The following C5orf15 variants were observed in gnomAD, a reference collection of about 807,000 sequenced individuals.
C5orf15 encodes the protein keratinocyte-associated transmembrane protein 2.
In C5orf15, 10 loss-of-function variants were observed where a neutral mutation model predicts 17.8. The ratio of observed to expected loss-of-function variants is 0.56; its 90% CI spans 0.35 to 0.95. The LOEUF is 0.95. C5orf15 is among the 40% of genes least tolerant of loss of function. C5orf15 has a pLI of 0.02. For synonymous variants in C5orf15, 124 were observed against 131.0 expected (o/e 0.95, Z 0.36); for missense variants, 319 against 331.7 (o/e 0.96, Z 0.30).
At chr5:133,961,593 C>CTTT (rs555242447) in intron 1 of C5orf15, among the ~76,000 whole-genome samples, 1 of 142,174 alleles carries the variant, frequency 7.0e-6, no homozygotes, top group African/African-American at 2.6e-5. Flanking sequence ...CTCTTTTTCC[C>CTTT]TTTTTTTTTT....
chr5:133,956,131 A>T lies in C5orf15; in HGVS notation c.*728T>A, dbSNP rs1752039997. 6.6e-6 allele frequency: 1 copy of T among 152,668 alleles called. No individual in the cohort carries two copies. The highest frequency in any genetic ancestry group is 1.5e-5 in the Non-Finnish European group (1 of 68,034). The allele number at this position is 152,668 out of a possible 1,614,324, so 9.5% of individuals were successfully genotyped here. A position where few individuals can be genotyped will look rare whatever the true frequency, so the allele number is the denominator to read the frequency against. On this transcript the variant is annotated 3_prime_UTR_variant, in exon 3 of 3. Transcript: ENST00000231512. ...AAACCTTGGAGGAACCCATGCTACAATCAATTGCTAACTAAAAGCAATTGT... is the reference window on the plus strand; with the variant it reads ...AAACCTTGGAGGAACCCATGCTACATTCAATTGCTAACTAAAAGCAATTGT...
chr5:133,960,107 C>T, intron 1 of C5orf15, 87 bp from the exon 2 acceptor site: 1 of 1,131,038 alleles, frequency 8.8e-7, no homozygotes, highest in Non-Finnish European at 1.3e-6. Flanking sequence ...TTACACTAAG[C>T]ATTTCTCTCT....
chr5:133,956,776 A>G lies in C5orf15; in HGVS notation c.*83T>C. On this transcript the variant is annotated 3_prime_UTR_variant, in exon 3 of 3. Transcript: ENST00000231512. ...AGACTCACCTCTCATTTAAGTACCA[A>G]TTGCCTATGGCAAACATTTGCACAA... is the stretch of plus-strand genomic sequence containing the variant. The G allele has an allele frequency of 7.1e-7, 1 of 1,414,010 alleles. No individual in the cohort carries two copies. Among genetic ancestry groups the G allele is most frequent in the Middle Eastern group, 2.6e-4 (1 of 3,832 alleles). The allele number at this position is 1,414,010 out of a possible 1,614,324, so 87.6% of individuals were successfully genotyped here. A position where few individuals can be genotyped will look rare whatever the true frequency, so the allele number is the denominator to read the frequency against.
chr5:133,966,523 A>T (rs1174279074), intron 1 of C5orf15, among the ~76,000 whole-genome samples: 1 of 152,240 alleles, frequency 6.6e-6, no homozygotes, highest in Non-Finnish European at 1.5e-5. Context: ...GACTTGATCA[A>T]AACAAAAACA....
intron 1 of C5orf15, among the ~76,000 whole-genome samples, chr5:133,960,614 A>G (rs1232542288): frequency 6.6e-6 from 1 of 152,250 alleles, no homozygotes; most frequent in Non-Finnish European, 1.5e-5. Context: ...ACAAAGAAGA[A>G]AAAACTTCTA....
rs1164031181 is a variant in C5orf15, at chr5:133,956,341, TC to T, written c.*517del. ...GTGGTCAGATTGAGCAATATCATTA[TC>T]CTAAATTATGTTTAAATTATCTAAA... On this transcript the variant is annotated 3_prime_UTR_variant, in exon 3 of 3. Transcript: ENST00000231512. 1 of 152,634 alleles carries T rather than the reference TC, an allele frequency of 6.6e-6. No homozygotes were observed. Among genetic ancestry groups the T allele is most frequent in the Non-Finnish European group, 1.5e-5 (1 of 68,054 alleles). 9.5% of individuals were successfully genotyped at this position (152,634 alleles called of 1,614,324 possible). A position where few individuals can be genotyped will look rare whatever the true frequency, so the allele number is the denominator to read the frequency against.
rs192604402 is a variant in C5orf15, at chr5:133,968,062, C to G, written c.139+384G>C. 3.3e-5 allele frequency among the ~76,000 whole-genome samples: 5 copies of G among 152,174 alleles called. No individual in the cohort carries two copies. The East Asian group carries it at 7.7e-4, about 24-fold the overall frequency. ...CCTCCTCAGCCCCTGTCGCCACCCT[C>G]TCTTCCAGAGTCTCCTAACTTTCCG... On this transcript the variant is annotated intron_variant, in intron 1 of 2. Coordinates refer to ENST00000231512, the MANE Select transcript of C5orf15 (RefSeq NM_020199.3).
chr5:133,967,133 CCAAAA>C (rs748128239), intron 1 of C5orf15, among the ~76,000 whole-genome samples: 2 of 152,112 alleles, frequency 1.3e-5, no homozygotes, highest in African/African-American at 2.4e-5. Flanking sequence ...GATTAAATGG[CCAAAA>C]CAATTAAGCT....
chr5:133,960,055 C>CA (rs777170307), intron 1 of C5orf15, 35 bp from the exon 2 acceptor site: 2 of 1,541,840 alleles, frequency 1.3e-6, no homozygotes, highest in Non-Finnish European at 1.8e-6. Flanking sequence ...CTGAAATCTC[C>CA]AACTTTATCT....
At chr5:133,964,271 G>A (rs535575313) in intron 1 of C5orf15, among the ~76,000 whole-genome samples, 1 of 152,168 alleles carries the variant, frequency 6.6e-6, no homozygotes, top group African/African-American at 2.4e-5. Flanking sequence ...AACAACCTAG[G>A]TGAATCTTCA....
At chr5:133,964,580 G>T (rs886574360) in intron 1 of C5orf15, among the ~76,000 whole-genome samples, 6 of 152,102 alleles carry the variant, frequency 3.9e-5, no homozygotes, top group Non-Finnish European at 8.8e-5. Flanking sequence ...GGATATGCAG[G>T]ATCTCTATAT....
chr5:133,963,906 G>A (rs1462013863), intron 1 of C5orf15, among the ~76,000 whole-genome samples: 3 of 152,140 alleles, frequency 2.0e-5, no homozygotes, highest in African/African-American at 7.2e-5. Flanking sequence ...CTATACCATA[G>A]AATATTACTC....
intron 1 of C5orf15, 34 bp downstream of exon 1, chr5:133,968,412 G>T (rs776475607): frequency 1.3e-6 from 2 of 1,594,442 alleles, no homozygotes; most frequent in Non-Finnish European, 1.7e-6. Flanking sequence ...AGCCCTCCTA[G>T]CCTTCCTAAG....
intron 1 of C5orf15, among the ~76,000 whole-genome samples, chr5:133,961,748 TA>T (rs1300383104): frequency 6.6e-6 from 1 of 151,584 alleles, no homozygotes; most frequent in Non-Finnish European, 1.5e-5. Flanking sequence ...TTATTTTTCA[TA>T]TATTTGTCCA....
intron 1 of C5orf15, among the ~76,000 whole-genome samples, chr5:133,967,947 G>C (rs561479835): frequency 1.2e-4 from 18 of 151,774 alleles, no homozygotes; most frequent in African/African-American, 4.1e-4. Context: ...TCCCATTCTG[G>C]AAAACCCCCA....
chr5:133,965,903 C>T (rs1752184013), intron 1 of C5orf15, among the ~76,000 whole-genome samples: 1 of 151,204 alleles, frequency 6.6e-6, no homozygotes, highest in Non-Finnish European at 1.5e-5. Flanking sequence ...CCAGCCTGGG[C>T]GACAGAGCAA....
At chr5:133,966,007 G>A (rs567173514) in intron 1 of C5orf15, among the ~76,000 whole-genome samples, 1 of 152,026 alleles carries the variant, frequency 6.6e-6, no homozygotes, top group Admixed American at 6.6e-5. Context: ...GGCGGATCAC[G>A]AGGTCAGGAG....
At chr5:133,957,128 G>A in intron 2 of C5orf15, 138 bp from the exon 3 acceptor site, 1 of 706,830 alleles carries the variant, frequency 1.4e-6, no homozygotes. Context: ...GCTATTTTAG[G>A]CCGAGGCAGG....
At chr5:133,963,603 A>G (rs1752151393) in intron 1 of C5orf15, among the ~76,000 whole-genome samples, 1 of 152,206 alleles carries the variant, frequency 6.6e-6, no homozygotes, top group Non-Finnish European at 1.5e-5. Context: ...TTTTTACCTC[A>G]TATATCCCAG....
Sources: gnomAD v4.1 joint callset for allele counts (sites outside exome capture counted in the v4.1 genomes callset) on GRCh38, gnomAD v4.1.1 for gene constraint, MANE v1.5 for transcripts, NCBI Gene and HGNC (gene_info 2026-07-23, HGNC 2026-07-21) for gene names.